Variants in LRRFIP1 observed in about 807,000 individuals in gnomAD.
LRRFIP1 encodes leucine-rich repeat flightless-interacting protein 1.
LRRFIP1 carries 62 observed loss-of-function variants against 104.4 expected under a neutral mutation model. That is an observed-to-expected ratio of 0.59 (90% CI 0.48 to 0.73). The LOEUF is 0.73. LRRFIP1 is among the 30% of genes least tolerant of loss of function. The pLI is 0.00. For missense variants in LRRFIP1, 796 were observed against 824.5 expected (o/e 0.97, Z 0.42); for synonymous variants, 300 against 299.0 (o/e 1.00, Z -0.03).
chr2:237,685,727 C>T (rs2092319089), intron 1 of LRRFIP1, among the ~76,000 whole-genome samples: 1 of 152,184 alleles, frequency 6.6e-6, no homozygotes, highest in Non-Finnish European at 1.5e-5. Context: ...CCCACCCACT[C>T]CATCTTTTCT....
chr2:237,674,533 T>A (rs2090846865), intron 1 of LRRFIP1, among the ~76,000 whole-genome samples: 1 of 152,206 alleles, frequency 6.6e-6, no homozygotes, highest in Non-Finnish European at 1.5e-5. Flanking sequence ...GTATCAATGG[T>A]CAATTATGTG....
intron 23 of LRRFIP1, among the ~76,000 whole-genome samples, chr2:237,776,789 C>T (rs1395112266): frequency 2.0e-5 from 3 of 152,076 alleles, no homozygotes; most frequent in Non-Finnish European, 2.9e-5. Flanking sequence ...TGTTGTTATG[C>T]GTTAGATGAT....
intron 1 of LRRFIP1, among the ~76,000 whole-genome samples, chr2:237,657,286 T>C (rs1575193778): frequency 6.6e-6 from 1 of 152,142 alleles, no homozygotes; most frequent in East Asian, 1.9e-4. Context: ...AGGCAACATA[T>C]GTAAAATTGG....
Position 237,781,605 on chromosome 2 carries a change from AATTT to A in LRRFIP1, c.*2079_*2082del. ...AGAGGAAGCTAGAACACGATTTTTA[AATTT>A]ATTTAGTAAAATAAAACTTTTTTTG... On this transcript the variant is annotated 3_prime_UTR_variant, in exon 24 of 24. Transcript: ENST00000308482. 6.6e-6 allele frequency among the ~76,000 whole-genome samples: 1 copy of A among 152,346 alleles called. No individual in the cohort carries two copies. Among genetic ancestry groups the A allele is most frequent in the South Asian group, 2.1e-4 (1 of 4,828 alleles).
chr2:237,684,912 C>A (rs922872230), intron 1 of LRRFIP1, among the ~76,000 whole-genome samples: 1 of 133,294 alleles, frequency 7.5e-6, no homozygotes, highest in East Asian at 2.2e-4. Flanking sequence ...CATGCTGAAA[C>A]CCTGTCTCTG....
chr2:237,761,101 A>C (rs1410064627), intron 19 of LRRFIP1, among the ~76,000 whole-genome samples: 3 of 152,170 alleles, frequency 2.0e-5, no homozygotes, highest in African/African-American at 7.2e-5. Context: ...AGAAGCTTTC[A>C]TCTTATTTCT....
At chr2:237,634,296 C>T (rs934352430) in intron 1 of LRRFIP1, among the ~76,000 whole-genome samples, 10 of 152,186 alleles carry the variant, frequency 6.6e-5, no homozygotes, top group African/African-American at 9.7e-5. Context: ...CATTGAAGGA[C>T]GGGACTTGGT....
chr2:237,739,293 CCCGGGCCAGCCCTGT>C lies in LRRFIP1; in HGVS notation c.618_632del (p.Arg207_Val211del), dbSNP rs1202429503. The C allele has an allele frequency of 1.2e-5, 19 of 1,560,248 alleles. No homozygotes were observed. Among genetic ancestry groups the C allele is most frequent in the East Asian group, 1.2e-4 (5 of 41,894 alleles). ...CGCGCCTCCTCCAGGGCCAGCTCGG[CCCGGGCCAGCCCTGT>C]GGTAAGTCGGCCTCCTGGCCTTGCT... On this transcript the variant is annotated inframe_deletion and splice_region_variant, in exon 11 of 24. Coordinates refer to ENST00000308482, the MANE Select transcript of LRRFIP1 (RefSeq NM_001137550.2).
At chr2:237,730,919 GACAA>G (rs3053643) in intron 8 of LRRFIP1, among the ~76,000 whole-genome samples, 33,303 of 151,292 alleles carry the variant, frequency 0.22, 4,137 homozygotes, top group African/African-American at 0.34. Context: ...TTCCATCTCA[GACAA>G]ACAAACAAAC....
intron 1 of LRRFIP1, among the ~76,000 whole-genome samples, chr2:237,646,082 C>T (rs1235358241): frequency 6.6e-6 from 1 of 151,864 alleles, no homozygotes; most frequent in African/African-American, 2.4e-5. Context: ...TGTGTCTAAG[C>T]CCTTTTCATT....
intron 1 of LRRFIP1, among the ~76,000 whole-genome samples, chr2:237,700,868 C>A (rs866678550): frequency 5.3e-5 from 8 of 152,298 alleles, no homozygotes; most frequent in Middle Eastern, 3.4e-3. Context: ...GCCTTCTCAG[C>A]CTGGGTGGAA....
intron 1 of LRRFIP1, among the ~76,000 whole-genome samples, chr2:237,644,975 C>T (rs1202970627): frequency 6.6e-6 from 1 of 152,172 alleles, no homozygotes; most frequent in African/African-American, 2.4e-5. Context: ...ATGCTGACCT[C>T]GATCACCAGG....
At chr2:237,696,331 G>A (rs1434655143) in intron 1 of LRRFIP1, among the ~76,000 whole-genome samples, 1 of 152,154 alleles carries the variant, frequency 6.6e-6, no homozygotes, top group Non-Finnish European at 1.5e-5. Flanking sequence ...TTCCCTGTGG[G>A]TTGAGAACCT....
chr2:237,683,020 G>A (rs1575441819), intron 1 of LRRFIP1, among the ~76,000 whole-genome samples: 1 of 152,190 alleles, frequency 6.6e-6, no homozygotes, highest in African/African-American at 2.4e-5. Context: ...GGTGGAGAGC[G>A]CTGCCAGCAT....
intron 1 of LRRFIP1, among the ~76,000 whole-genome samples, chr2:237,694,313 A>C (rs1177762653): frequency 6.6e-6 from 1 of 152,216 alleles, no homozygotes; most frequent in African/African-American, 2.4e-5. Flanking sequence ...TTCAGAGAGA[A>C]GTTGTGAACC....
chr2:237,637,802 T>A (rs2083314833), intron 1 of LRRFIP1, among the ~76,000 whole-genome samples: 1 of 152,228 alleles, frequency 6.6e-6, no homozygotes, highest in South Asian at 2.1e-4. Context: ...ATTTTTAACC[T>A]CCATCATGTA....
At chr2:237,698,901 A>G (rs1431693761) in intron 1 of LRRFIP1, among the ~76,000 whole-genome samples, 1 of 152,250 alleles carries the variant, frequency 6.6e-6, no homozygotes, top group Non-Finnish European at 1.5e-5. Flanking sequence ...AATGAAATGC[A>G]TAGGTGAGAA....
At chr2:237,630,925 G>C (rs557139299) in intron 1 of LRRFIP1, among the ~76,000 whole-genome samples, 1 of 152,368 alleles carries the variant, frequency 6.6e-6, no homozygotes, top group Non-Finnish European at 1.5e-5. Flanking sequence ...TCTCTCCAGA[G>C]AGCTAGCAGT....
intron 19 of LRRFIP1, 146 bp downstream of exon 19, chr2:237,760,351 C>T: frequency 1.0e-6 from 1 of 955,250 alleles, no homozygotes; most frequent in East Asian, 2.7e-5. Flanking sequence ...TGGTAATTTC[C>T]TTGCCCACCC....
Sources: gnomAD v4.1 joint callset for allele counts (sites outside exome capture counted in the v4.1 genomes callset) on GRCh38, gnomAD v4.1.1 for gene constraint, MANE v1.5 for transcripts, NCBI Gene and HGNC (gene_info 2026-07-23, HGNC 2026-07-21) for gene names.